The following AMPD3 variants were observed in gnomAD, a reference collection of about 807,000 sequenced individuals.
AMPD3 encodes the protein AMP deaminase 3.
Under a neutral mutation model 82.3 loss-of-function variants are expected in AMPD3, and 57 were observed. The observed-to-expected ratio is 0.69, with a 90% CI of 0.56 to 0.86. The LOEUF (loss-of-function observed/expected upper bound fraction) is 0.86, where lower values mean the gene tolerates loss of function less well. Ranked by LOEUF, AMPD3 falls within the 40% of genes least tolerant of loss-of-function variation. The pLI is 0.00. For synonymous variants in AMPD3, 381 were observed against 394.7 expected, an observed-to-expected ratio of 0.97 and a Z score of 0.41; for missense variants, 870 against 1,003.8, an observed-to-expected ratio of 0.87 and a Z score of 1.80.
At chr11:10,462,518 C>T (rs1367319615) in intron 2 of AMPD3, among the ~76,000 whole-genome samples, 5 of 152,144 alleles carry the variant, frequency 3.3e-5, no homozygotes, top group African/African-American at 1.2e-4. Context: ...CCTCCCAAGG[C>T]AGAGATGGAG....
Position 10,481,427 on chromosome 11 carries a change from T to C in AMPD3, c.427-636T>C, listed in dbSNP as rs192185494. The C allele has an allele frequency of 1.0e-5, 10 of 985,390 alleles. No homozygotes were observed. The East Asian group carries it at 1.1e-3, about 112-fold the overall frequency. The allele number at this position is 985,390 out of a possible 1,614,324, so 61.0% of individuals were successfully genotyped here. ...GTACAAAAACAGACTTTTGGCTTAA[T>C]TAGCTGCATGTGAGGCCGGCTTCTG... On this transcript the variant is annotated intron_variant, in intron 3 of 14. Coordinates refer to ENST00000396553, the MANE Select transcript of AMPD3 (RefSeq NM_001025389.2).
chr11:10,482,126 A>T lies in AMPD3; in HGVS notation c.490A>T (p.Lys164Ter). 1 of 1,614,178 alleles carries T rather than the reference A, an allele frequency of 6.2e-7. No individual in the cohort carries two copies. Among genetic ancestry groups the T allele is most frequent in the Non-Finnish European group, 8.5e-7 (1 of 1,180,040 alleles). The change falls in exon 4 of 15, where the codon AAG becomes TAG. Residue 164 changes from lysine to a stop codon, truncating the protein, a stop_gained. Coordinates refer to ENST00000396553, the MANE Select transcript of AMPD3 (RefSeq NM_001025389.2). LOFTEE classifies it high-confidence loss of function. ...GGCCAAGGCCCTAATGATCCGGGAG[A>T]AGTATGCGCGGCTCGCCTACCACCG... ...SLAKALMIRE[K>*]YARLAYHRFP... is the part of the protein sequence containing the mutation.
In AMPD3 at chr11:10,499,077, T is replaced by C. The variant is rs1849503394; in HGVS notation, c.1558-1009T>C. On this transcript the variant is annotated intron_variant, in intron 10 of 14. Coordinates refer to ENST00000396553, the MANE Select transcript of AMPD3 (RefSeq NM_001025389.2). ...GAGCAGAGCTGCCTCCCAGGAGCCA[T>C]GGCTTAGCCCAGCAAGGACCCTCTT... Among the ~76,000 whole-genome samples, 4 of 151,900 alleles carry C rather than the reference T, an allele frequency of 2.6e-5. No homozygotes were observed. The South Asian group carries it at 8.3e-4, about 31-fold the overall frequency.
At position 10,504,633 on chromosome 11, in the gene AMPD3, G is replaced by T. The variant is rs764421503; in HGVS notation, c.2101G>T (p.Val701Leu). The T allele has an allele frequency of 8.7e-6, 14 of 1,614,042 alleles. No individual in the cohort carries two copies. Among genetic ancestry groups the T allele is most frequent in the Non-Finnish European group, 1.2e-5 (14 of 1,180,034 alleles). ...CCTGTGTGAGATCGCCAGGAACAGC[G>T]TGCTGCAGAGCGGCCTCTCGCATCA... ...CDLCEIARNS[V>L]LQSGLSHQEK... The change falls in exon 14 of 15, where the codon GTG becomes TTG. Residue 701 changes from valine to leucine, a missense_variant. By Grantham distance (32) the Val-to-Leu change is conservative (BLOSUM62 1). Coordinates refer to ENST00000396553, the MANE Select transcript of AMPD3 (RefSeq NM_001025389.2).
chr11:10,496,233 C>A, intron 9 of AMPD3: 1 of 985,390 alleles, frequency 1.0e-6, no homozygotes. Flanking sequence ...AACTCTTGAT[C>A]TTTGAAAAAT....
intron 13 of AMPD3, among the ~76,000 whole-genome samples, chr11:10,503,579 A>G (rs1408900706): frequency 1.3e-5 from 2 of 152,184 alleles, no homozygotes; most frequent in Non-Finnish European, 1.5e-5. Context: ...GGTTATATCT[A>G]CTGATATTTA....
chr11:10,505,445 C>T (rs542597374), intron 14 of AMPD3: 2 of 985,280 alleles, frequency 2.0e-6, no homozygotes, highest in East Asian at 1.1e-4. Flanking sequence ...TGCTGCAGAC[C>T]TTATCTTTCC....
Position 10,506,281 on chromosome 11 carries a change from GC to G in AMPD3, c.*399del, listed in dbSNP as rs1849713850. The G allele has an allele frequency of 4.0e-6, 1 of 249,004 alleles. No homozygotes were observed. The highest frequency in any genetic ancestry group is 2.3e-5 in the African/African-American group (1 of 44,262). 15.4% of individuals were successfully genotyped at this position (249,004 alleles called of 1,614,324 possible). A position where few individuals can be genotyped will look rare whatever the true frequency, so the allele number is the denominator to read the frequency against. On this transcript the variant is annotated 3_prime_UTR_variant, in exon 15 of 15. Transcript: ENST00000396553. The surrounding 1 kb of genome is among the most constrained non-coding windows in gnomAD (Gnocchi z 4.1). The stretch of plus-strand genomic sequence containing the variant: ...GGCTAATTGGTAGTTGTTCATTTCA[GC>G]CTCTGGATGGCTGGCTGCCTTAAAC...
At chr11:10,454,203 C>T (rs1234362961), upstream of AMPD3, among the ~76,000 whole-genome samples, 1 of 152,100 alleles carries the variant, frequency 6.6e-6, no homozygotes, top group Non-Finnish European at 1.5e-5. Flanking sequence ...TCTAAACTGC[C>T]CATGTTCTGG....
Position 10,495,691 on chromosome 11 carries a change from A to C in AMPD3, c.1388A>C (p.Tyr463Ser), listed in dbSNP as rs766302802. 11 of 1,613,766 alleles carry C rather than the reference A, an allele frequency of 6.8e-6. No homozygotes were observed. The Admixed American group carries it at 1.7e-4, about 24-fold the overall frequency. ...TACTGGTTCATCCAGCACAAGGTCTACTCTCCCAACATGCGCTGGATCATC... is the reference window on the plus strand; with the variant it reads ...TACTGGTTCATCCAGCACAAGGTCTCCTCTCCCAACATGCGCTGGATCATC... ...LAYWFIQHKV[Y>S]SPNMRWIIQV... Residue 463 changes from tyrosine (Y) to serine (S), a missense_variant, in exon 9 of 15, where the codon TAC becomes TCC. Coordinates refer to ENST00000396553, the MANE Select transcript of AMPD3 (RefSeq NM_001025389.2).
upstream of AMPD3, among the ~76,000 whole-genome samples, chr11:10,452,614 G>T (rs1256713441): frequency 6.6e-6 from 1 of 152,158 alleles, no homozygotes; most frequent in Non-Finnish European, 1.5e-5. Flanking sequence ...GGCACATGGT[G>T]GTGCTCAATA....
In AMPD3 at chr11:10,464,378, A is replaced by G. The variant is rs528791548; in HGVS notation, c.221+2638A>G. Among the ~76,000 whole-genome samples, 141 of 152,326 alleles carry G rather than the reference A, an allele frequency of 9.3e-4. 1 individual carries two copies. The highest frequency in any genetic ancestry group is 1.3e-4 in the Non-Finnish European group (9 of 68,024). On this transcript the variant is annotated intron_variant, in intron 2 of 14. Coordinates refer to ENST00000396553, the MANE Select transcript of AMPD3 (RefSeq NM_001025389.2). ...TCAGAGAAGTTGAATTTACTTTCACAAAGACACATAGTGAGTAAATGACAG... is the reference window on the plus strand; with the variant it reads ...TCAGAGAAGTTGAATTTACTTTCACGAAGACACATAGTGAGTAAATGACAG...
At chr11:10,476,632 G>T (rs548896086) in intron 2 of AMPD3, among the ~76,000 whole-genome samples, 8 of 152,328 alleles carry the variant, frequency 5.3e-5, no homozygotes, top group African/African-American at 1.7e-4. Flanking sequence ...GAGCTGGAAG[G>T]CATGTGTGAG....
intron 6 of AMPD3, among the ~76,000 whole-genome samples, chr11:10,492,095 G>T (rs1849255732): frequency 6.6e-6 from 1 of 152,208 alleles, no homozygotes; most frequent in South Asian, 2.1e-4. Flanking sequence ...AGAGATGCAA[G>T]GGGTCGGTCT....
chr11:10,458,603 A>G (rs1387287661), intron 1 of AMPD3, among the ~76,000 whole-genome samples: 2 of 152,076 alleles, frequency 1.3e-5, no homozygotes, highest in African/African-American at 2.4e-5. Flanking sequence ...GTATGGTTCT[A>G]TGTATTAATT....
At chr11:10,459,018 C>CT (rs1848182092) in intron 1 of AMPD3, among the ~76,000 whole-genome samples, 1 of 152,078 alleles carries the variant, frequency 6.6e-6, no homozygotes, top group African/African-American at 2.4e-5. Context: ...CTGTTCCAGA[C>CT]TTTCTCTCCC....
intron 6 of AMPD3, among the ~76,000 whole-genome samples, chr11:10,492,092 C>T (rs1333873310): frequency 6.6e-6 from 1 of 152,132 alleles, no homozygotes; most frequent in Non-Finnish European, 1.5e-5. Flanking sequence ...GACAGAGATG[C>T]AAGGGGTCGG....
Position 10,496,685 on chromosome 11 carries a change from C to T in AMPD3, c.1431-127C>T. The stretch of plus-strand genomic sequence containing the variant: ...ACAGAGGAGGGATCTGTTTTCTGGT[C>T]CCATCTGACTTGATTCTGGGTGTTT... On this transcript the variant is annotated intron_variant, in intron 9 of 14. Transcript: ENST00000396553. 3.3e-6 allele frequency: 5 copies of T among 1,527,152 alleles called. No homozygotes were observed. In the East Asian group the frequency reaches 1.1e-4, roughly 35 times the overall value. 94.6% of individuals were successfully genotyped at this position (1,527,152 alleles called of 1,614,324 possible).
Position 10,500,117 on chromosome 11 carries a change from C to G in AMPD3, c.1589C>G (p.Ser530Cys), listed in dbSNP as rs1849533769. The G allele has an allele frequency of 6.2e-7, 1 of 1,614,170 alleles. No homozygotes were observed. Among genetic ancestry groups the G allele is most frequent in the Non-Finnish European group, 8.5e-7 (1 of 1,180,032 alleles). The part of the protein sequence containing the change: ...VTGFDSVDDE[S>C]KHSDHMFSDK... ...GGGTTTGACAGCGTGGATGATGAGTCCAAGCACAGCGACCACATGTTTTCC... is the reference window on the plus strand; with the variant it reads ...GGGTTTGACAGCGTGGATGATGAGTGCAAGCACAGCGACCACATGTTTTCC... The change falls in exon 11 of 15, where the codon TCC becomes TGC. Residue 530 changes from serine (S) to cysteine (C), a missense_variant. By Grantham distance (112) the Ser-to-Cys change is moderately radical. Coordinates refer to ENST00000396553, the MANE Select transcript of AMPD3 (RefSeq NM_001025389.2).
Sources: allele counts gnomAD v4.1 joint callset (sites outside exome capture counted in the v4.1 genomes callset), GRCh38; gene constraint gnomAD v4.1.1; non-coding constraint Gnocchi (gnomAD v3.1); transcripts MANE v1.5; gene names NCBI Gene and HGNC (gene_info 2026-07-23, HGNC 2026-07-21).